Variants in KHDRBS3 observed in about 807,000 individuals in gnomAD.
KHDRBS3 encodes KH RNA binding domain containing, signal transduction associated 3.
KHDRBS3 carries 23 observed loss-of-function variants against 45.6 expected under a neutral mutation model. The ratio of observed to expected loss-of-function variants is 0.50; its 90% CI spans 0.36 to 0.72. The LOEUF is 0.72. KHDRBS3 is among the 30% of genes least tolerant of loss of function. The probability of loss-of-function intolerance (pLI) is 0.00; values close to 1 mark genes in which losing one functional copy is unlikely to be tolerated. For synonymous variants in KHDRBS3, 162 were observed against 156.5 expected (o/e 1.04, Z -0.26); for missense variants, 352 against 424.8 (o/e 0.83, Z 1.51).
At chr8:135,493,539 T>C (rs1433070080) in intron 1 of KHDRBS3, among the ~76,000 whole-genome samples, 1 of 152,174 alleles carries the variant, frequency 6.6e-6, no homozygotes, top group Admixed American at 6.5e-5. Context: ...TTTCTGCATC[T>C]CTTCAGTTGA....
At chr8:135,525,689 G>C (rs190841644) in intron 2 of KHDRBS3, among the ~76,000 whole-genome samples, 1 of 152,016 alleles carries the variant, frequency 6.6e-6, no homozygotes, top group East Asian at 1.9e-4. Flanking sequence ...TTCATAGACA[G>C]ACTCATTACT....
At chr8:135,483,426 G>A (rs113101368) in intron 1 of KHDRBS3, among the ~76,000 whole-genome samples, 31 of 152,170 alleles carry the variant, frequency 2.0e-4, no homozygotes, top group South Asian at 4.1e-4. Context: ...TGTCATTGCC[G>A]TCAGATTGGG....
intron 5 of KHDRBS3, among the ~76,000 whole-genome samples, chr8:135,581,399 G>A (rs192745243): frequency 6.6e-6 from 1 of 152,300 alleles, no homozygotes; most frequent in Non-Finnish European, 1.5e-5. Flanking sequence ...ATTCAGGAAA[G>A]TATATTTTAT....
rs543901492 is a variant in KHDRBS3 at position 135,551,433 on chromosome 8, A to G, written c.471+2533A>G. ...AGAAGTTCTCTTATATTTCTAAAGG[A>G]TGAGAGTTTTTATCATGAATAAATG... On this transcript the variant is annotated intron_variant, in intron 4 of 8. Coordinates refer to ENST00000355849, the MANE Select transcript of KHDRBS3 (RefSeq NM_006558.3). Among the ~76,000 whole-genome samples, 4 of 152,226 alleles carry G rather than the reference A, an allele frequency of 2.6e-5. No individual in the cohort carries two copies. The South Asian group carries it at 6.2e-4, about 24-fold the overall frequency.
At chr8:135,581,273 C>CT (rs1384801851) in intron 5 of KHDRBS3, among the ~76,000 whole-genome samples, 1 of 152,150 alleles carries the variant, frequency 6.6e-6, no homozygotes, top group Non-Finnish European at 1.5e-5. Context: ...TCCTTCCTGA[C>CT]TTGAAGTCTT....
chr8:135,525,010 A>G (rs962613676), intron 2 of KHDRBS3, among the ~76,000 whole-genome samples: 6 of 152,084 alleles, frequency 3.9e-5, no homozygotes, highest in Non-Finnish European at 5.9e-5. Flanking sequence ...AGTCTTGGCC[A>G]TCTTAGATTT....
chr8:135,588,884 G>A (rs1229968745), intron 6 of KHDRBS3, among the ~76,000 whole-genome samples: 1 of 152,120 alleles, frequency 6.6e-6, no homozygotes, highest in Non-Finnish European at 1.5e-5. Flanking sequence ...CTGTGATATA[G>A]ACCAACACAA....
At chr8:135,476,071 T>C (rs1030719808) in intron 1 of KHDRBS3, among the ~76,000 whole-genome samples, 1 of 152,232 alleles carries the variant, frequency 6.6e-6, no homozygotes, top group Admixed American at 6.5e-5. Flanking sequence ...GGTTGTTTGG[T>C]ATCATATGTC....
chr8:135,596,366 C>T (rs1034888053), intron 6 of KHDRBS3, among the ~76,000 whole-genome samples: 1 of 152,122 alleles, frequency 6.6e-6, no homozygotes, highest in African/African-American at 2.4e-5. Flanking sequence ...TAAGGGTCCA[C>T]CCAGCTTAGG....
At chr8:135,607,209 C>T (rs1250357261) in intron 7 of KHDRBS3, among the ~76,000 whole-genome samples, 172 bp downstream of exon 7, 1 of 152,126 alleles carries the variant, frequency 6.6e-6, no homozygotes, top group African/African-American at 2.4e-5. Context: ...ATGTATTACC[C>T]TACCCAAGTT....
At chr8:135,570,145 A>G (rs995416225) in intron 5 of KHDRBS3, among the ~76,000 whole-genome samples, 5 of 152,134 alleles carry the variant, frequency 3.3e-5, no homozygotes, top group Admixed American at 6.6e-5. Context: ...ATGCATACAC[A>G]TTTTAGGAAT....
chr8:135,577,089 G>C lies in KHDRBS3; in HGVS notation c.612-4789G>C, dbSNP rs185575386. On this transcript the variant is annotated intron_variant, in intron 5 of 8. Coordinates refer to ENST00000355849, the MANE Select transcript of KHDRBS3 (RefSeq NM_006558.3). The stretch of plus-strand genomic sequence containing the variant: ...CTGTAGAAAGTAACTTCATCAACTA[G>C]AACAGTGCTTATTTACGGTTTTTTT... Among the ~76,000 whole-genome samples, 6 of 149,724 alleles carry C rather than the reference G, an allele frequency of 4.0e-5. 1 individual carries two copies. Among genetic ancestry groups the C allele is most frequent in the South Asian group, 4.2e-4 (2 of 4,746 alleles).
chr8:135,461,287 T>C (rs2130083644), intron 1 of KHDRBS3, among the ~76,000 whole-genome samples: 1 of 152,140 alleles, frequency 6.6e-6, no homozygotes, highest in African/African-American at 2.4e-5. Context: ...GTATTTTTAG[T>C]AGAGACGGGG....
chr8:135,525,020 T>C (rs1266902475), intron 2 of KHDRBS3, among the ~76,000 whole-genome samples: 1 of 152,198 alleles, frequency 6.6e-6, no homozygotes, highest in Non-Finnish European at 1.5e-5. Context: ...ATCTTAGATT[T>C]ATTTTGCACT....
intron 1 of KHDRBS3, among the ~76,000 whole-genome samples, chr8:135,480,961 C>T (rs548798898): frequency 4.2e-4 from 64 of 152,110 alleles, no homozygotes; most frequent in African/African-American, 1.5e-3. Flanking sequence ...CTGTTCTTAC[C>T]TTGATTGGCT....
chr8:135,623,334 A>G (rs950959482), intron 7 of KHDRBS3, among the ~76,000 whole-genome samples: 1 of 152,226 alleles, frequency 6.6e-6, no homozygotes, highest in African/African-American at 2.4e-5. Flanking sequence ...AGCTTGAGTC[A>G]AAAGACATGT....
At chr8:135,605,399 A>G (rs533740587) in intron 6 of KHDRBS3, among the ~76,000 whole-genome samples, 1 of 152,082 alleles carries the variant, frequency 6.6e-6, no homozygotes, top group South Asian at 2.1e-4. Flanking sequence ...TCTTCATCCT[A>G]GTTCTATCTG....
intron 7 of KHDRBS3, among the ~76,000 whole-genome samples, chr8:135,636,384 C>T (rs368008983): frequency 6.6e-6 from 1 of 152,186 alleles, no homozygotes; most frequent in Non-Finnish European, 1.5e-5. Context: ...AAAAAGAATT[C>T]TCATGCAGCT....
intron 5 of KHDRBS3, among the ~76,000 whole-genome samples, chr8:135,560,337 A>G (rs1034916100): frequency 6.6e-6 from 1 of 152,220 alleles, no homozygotes; most frequent in Non-Finnish European, 1.5e-5. Flanking sequence ...TTTATTTTAT[A>G]TATATACTTA....
Sources: allele counts gnomAD v4.1 joint callset (sites outside exome capture counted in the v4.1 genomes callset), GRCh38; gene constraint gnomAD v4.1.1; transcripts MANE v1.5; gene names NCBI Gene and HGNC (gene_info 2026-07-23, HGNC 2026-07-21).